Variants in PABPC1L observed in about 807,000 individuals in gnomAD.
PABPC1L encodes polyadenylate-binding protein 1-like.
A neutral mutation model predicts 66.6 loss-of-function variants in PABPC1L; 31 were observed. The ratio of observed to expected loss-of-function variants is 0.47; its 90% CI spans 0.35 to 0.63. The LOEUF is 0.63. Among genes scored for constraint, PABPC1L ranks in the 20% least tolerant of loss-of-function variants. PABPC1L has a pLI of 0.00. For missense variants in PABPC1L, 722 were observed against 848.8 expected (o/e 0.85, Z 1.86); for synonymous variants, 348 against 335.1 (o/e 1.04, Z -0.42).
chr20:44,933,656 G>GT (rs2066879283), intron 10 of PABPC1L, among the ~76,000 whole-genome samples: 1 of 151,506 alleles, frequency 6.6e-6, no homozygotes, highest in East Asian at 1.9e-4. Context: ...TGTTGGTCAG[G>GT]TTGGTCTTGA....
intron 12 of PABPC1L, 58 bp downstream of exon 12, chr20:44,936,788 C>T: frequency 6.6e-7 from 1 of 1,522,256 alleles, no homozygotes; most frequent in Non-Finnish European, 9.0e-7. Context: ...AGCTGGCTAG[C>T]CTGCTGGGAA....
intron 1 of PABPC1L, among the ~76,000 whole-genome samples, chr20:44,912,400 C>T (rs193257596): frequency 1.3e-5 from 2 of 152,322 alleles, no homozygotes; most frequent in Non-Finnish European, 2.9e-5. Context: ...AATCCATGCT[C>T]ATGTGGCTGC....
At chr20:44,938,215 G>A in intron 13 of PABPC1L, 24 bp downstream of exon 13, 1 of 1,609,714 alleles carries the variant, frequency 6.2e-7, no homozygotes, top group Non-Finnish European at 8.5e-7. Context: ...TGGGCAGCAG[G>A]GAGCCCGAGG....
Position 44,924,200 on chromosome 20 carries a change from G to C in PABPC1L, c.916G>C (p.Asp306His), listed in dbSNP as rs1200420716. The C allele has an allele frequency of 6.2e-7, 1 of 1,614,100 alleles. No individual in the cohort carries two copies. The change falls in exon 7 of 15, where the codon GAT (aspartate) becomes CAT (histidine). Residue 306 changes from aspartate to histidine, a missense_variant. By Grantham distance (81) the Asp-to-His change is moderately conservative. Transcript: ENST00000217073. Reference sequence around the variant, plus strand: ...TGTGAAGAATCTGGACGACTCCATTGATGACGACAAACTGAGGAAAGAGTT... The same window carrying C: ...TGTGAAGAATCTGGACGACTCCATTCATGACGACAAACTGAGGAAAGAGTT... ...LYVKNLDDSI[D>H]DDKLRKEFSP...
intron 3 of PABPC1L, among the ~76,000 whole-genome samples, chr20:44,917,181 A>T (rs2066743507): frequency 6.6e-6 from 1 of 152,044 alleles, no homozygotes. Flanking sequence ...CAGCCTTCTC[A>T]GTATGGGGTG....
At chr20:44,937,181 G>A (rs1322583669) in intron 12 of PABPC1L, 3 of 352,932 alleles carry the variant, frequency 8.5e-6, no homozygotes, top group South Asian at 6.3e-5. Context: ...AATACATGAT[G>A]TTTCCCATAG....
At chr20:44,935,910 A>G (rs892906762) in intron 11 of PABPC1L, among the ~76,000 whole-genome samples, 27 of 152,200 alleles carry the variant, frequency 1.8e-4, no homozygotes, top group African/African-American at 4.1e-4. Flanking sequence ...TAGAATTTCA[A>G]TGTGTCTCTT....
In PABPC1L at chr20:44,932,343, C is replaced by T; in HGVS notation, c.1241C>T (p.Pro414Leu). The change falls in exon 9 of 15, where the codon CCT (proline) becomes CTT (leucine). Residue 414 changes from proline to leucine, a missense_variant and splice_region_variant. By Grantham distance (98) the Pro-to-Leu change is moderately conservative. This residue lies in a region of PABPC1L where 301 missense variants were observed against 337.2 expected (regional missense o/e 0.89). Transcript: ENST00000217073. ...SSYFLPAMPQ[P>L]PAQAAYYGCG... ...TCTGGGTCTTCTTTTCCCATGCAGC[C>T]TCCAGCCCAGGCTGCATACTATGGC... 2 of 1,609,678 alleles carry T rather than the reference C, an allele frequency of 1.2e-6. No individual in the cohort carries two copies. Among genetic ancestry groups the T allele is most frequent in the Non-Finnish European group, 1.7e-6 (2 of 1,177,006 alleles).
intron 8 of PABPC1L, 134 bp downstream of exon 8, chr20:44,930,860 T>C: frequency 8.1e-7 from 1 of 1,230,066 alleles, no homozygotes; most frequent in Non-Finnish European, 1.1e-6. Context: ...AGTCTTTGTT[T>C]CCCTCTCTAT....
chr20:44,915,799 CAA>C (rs3091602), intron 2 of PABPC1L, among the ~76,000 whole-genome samples: 52,878 of 114,882 alleles, frequency 0.46, 10,200 homozygotes, highest in African/African-American at 0.54. Flanking sequence ...AACTCTATCT[CAA>C]AAAAAAAAAA....
chr20:44,921,797 G>C, intron 6 of PABPC1L, 66 bp downstream of exon 6: 1 of 1,594,594 alleles, frequency 6.3e-7, no homozygotes, highest in Non-Finnish European at 8.5e-7. Flanking sequence ...GGGGCCCTGA[G>C]TGGTGACTGT....
At position 44,936,235 on chromosome 20, in the gene PABPC1L, G is replaced by A. The variant is rs892873829; in HGVS notation, c.1567-402G>A. Among the ~76,000 whole-genome samples the A allele has an allele frequency of 1.4e-4, 22 of 152,164 alleles. 1 individual carries two copies. Among genetic ancestry groups the A allele is most frequent in the African/African-American group, 5.1e-4 (21 of 41,436 alleles). ...CCACTTTGGCCTTCCAAAGTTCTAG[G>A]ATTATAGGTGTGAGCCACCACACCT... On this transcript the variant is annotated intron_variant, in intron 11 of 14. Coordinates refer to ENST00000217073, the MANE Select transcript of PABPC1L (RefSeq NM_001372179.1).
intron 2 of PABPC1L, among the ~76,000 whole-genome samples, chr20:44,914,925 G>C (rs960216857): frequency 6.6e-6 from 1 of 152,188 alleles, no homozygotes; most frequent in Non-Finnish European, 1.5e-5. Flanking sequence ...GGGGCTCAGA[G>C]GTTAAGAAAT....
In PABPC1L at chr20:44,910,205, A is replaced by G; in HGVS notation, c.62A>G (p.Asp21Gly). Residue 21 changes from aspartate to glycine, a missense_variant, in exon 1 of 15, where the codon GAC (aspartate) becomes GGC (glycine). Around this residue, in one of 3 missense-constraint regions of PABPC1L, gnomAD observed 284 missense variants for 294.8 expected, o/e 0.96. Coordinates refer to ENST00000217073, the MANE Select transcript of PABPC1L (RefSeq NM_001372179.1). ...CTTTACGTGGGCGATCTGCACCCCG[A>G]CGTGACCGAGGCCATGCTCTATGAG... ...ASLYVGDLHP[D>G]VTEAMLYEKF... The G allele has an allele frequency of 6.3e-7, 1 of 1,580,516 alleles. No homozygotes were observed. The highest frequency in any genetic ancestry group is 8.6e-7 in the Non-Finnish European group (1 of 1,163,574).
rs1415422002 is a variant in PABPC1L at position 44,910,101 on chromosome 20, A to T, written c.-43A>T. On this transcript the variant is annotated 5_prime_UTR_variant, in exon 1 of 15. Coordinates refer to ENST00000217073, the MANE Select transcript of PABPC1L (RefSeq NM_001372179.1). ...CGGGTGAGCGCGGGGCTGCTGGGTG[A>T]CCCGGCTCCTGCTTGCCCCGCAGCC... 1 of 1,500,084 alleles carries T rather than the reference A, an allele frequency of 6.7e-7. No individual in the cohort carries two copies. The highest frequency in any genetic ancestry group is 1.4e-5 in the African/African-American group (1 of 70,212). 92.9% of individuals were successfully genotyped at this position (1,500,084 alleles called of 1,614,324 possible). A position where few individuals can be genotyped will look rare whatever the true frequency, so the allele number is the denominator to read the frequency against.
In PABPC1L at chr20:44,932,371, T is replaced by C. The variant is rs745951181; in HGVS notation, c.1269T>C (p.Cys423=). The change falls in exon 9 of 15, where the codon TGT becomes TGC. Residue 423 remains cysteine (C), a synonymous_variant. Transcript: ENST00000217073. The part of the protein sequence containing the change: ...QPPAQAAYYG[C]GPVTPTQPAP... ...CAGCCCAGGCTGCATACTATGGCTG[T>C]GGCCCAGTGACACCCACCCAGCCTG... 6.2e-7 allele frequency: 1 copy of C among 1,613,438 alleles called. No individual in the cohort carries two copies. The highest frequency in any genetic ancestry group is 1.1e-5 in the South Asian group (1 of 91,010).
chr20:44,936,834 C>T (rs993429381), intron 12 of PABPC1L, 104 bp downstream of exon 12: 1 of 1,207,928 alleles, frequency 8.3e-7, no homozygotes, highest in Non-Finnish European at 1.2e-6. Flanking sequence ...AGGTCAAATT[C>T]CAGCTTTGTC....
At chr20:44,936,932 A>G (rs1438338474) in intron 12 of PABPC1L, 10 of 668,224 alleles carry the variant, frequency 1.5e-5, no homozygotes, top group Non-Finnish European at 2.5e-5. Context: ...GTCAGACTGG[A>G]TGGTCCTGAG....
At chr20:44,937,958 G>A in intron 12 of PABPC1L, 103 bp from the exon 13 acceptor site, 2 of 1,518,752 alleles carry the variant, frequency 1.3e-6, no homozygotes, top group South Asian at 1.2e-5. Context: ...AGCAGTTCTG[G>A]GAGAAGAACC....
Sources: allele counts gnomAD v4.1 joint callset (sites outside exome capture counted in the v4.1 genomes callset), GRCh38; gene constraint gnomAD v4.1.1; regional missense constraint gnomAD v4.1.1; transcripts MANE v1.5; gene names NCBI Gene and HGNC (gene_info 2026-07-23, HGNC 2026-07-21).